The following PAQR8 variants were observed in gnomAD, a reference collection of about 807,000 sequenced individuals.
The protein encoded by PAQR8 is progestin and adipoQ receptor family member 8.
In PAQR8, 17 loss-of-function variants were observed where a neutral mutation model predicts 25.2. The observed-to-expected ratio is 0.67, with a 90% CI of 0.46 to 1.01. The LOEUF (loss-of-function observed/expected upper bound fraction) is 1.01, where lower values mean the gene tolerates loss of function less well. Among genes scored for constraint, PAQR8 ranks in the 50% least tolerant of loss-of-function variants. PAQR8 has a pLI of 0.00. For synonymous variants in PAQR8, 204 were observed against 190.6 expected (o/e 1.07, Z -0.58); for missense variants, 392 against 448.4 (o/e 0.87, Z 1.14).
intron 1 of PAQR8, among the ~76,000 whole-genome samples, chr6:52,385,209 AGGGGAAACCCCTTTCACTTGAGAG>A (rs1299129011): frequency 5.3e-5 from 8 of 152,160 alleles, no homozygotes; most frequent in South Asian, 4.1e-4. Context: ...TGGTTTTATT[AGGGGAAACCCCTTTCACTTGAGAG>A]GGGGAAACCC....
At chr6:52,401,694 T>C (rs6925495) in intron 1 of PAQR8, among the ~76,000 whole-genome samples, 5,003 of 152,308 alleles carry the variant, frequency 0.033, 93 homozygotes, top group Middle Eastern at 0.055. Flanking sequence ...TGTGCATTGT[T>C]CTTTACCAAC....
In PAQR8 at chr6:52,403,147, C is replaced by T. The variant is rs1033935772; in HGVS notation, c.-52-15C>T. On this transcript the variant is annotated splice_polypyrimidine_tract_variant and intron_variant, in intron 1 of 1. Transcript: ENST00000442253. ...TCTCACTGCGGCTTTGCCAATTTTC[C>T]TTTCTTTTCTGCAGGTTGCATACCC... 3.6e-6 allele frequency: 5 copies of T among 1,408,112 alleles called. No homozygotes were observed. Among genetic ancestry groups the T allele is most frequent in the African/African-American group, 1.4e-5 (1 of 69,356 alleles). The allele number at this position is 1,408,112 out of a possible 1,614,324, so 87.2% of individuals were successfully genotyped here. A position where few individuals can be genotyped will look rare whatever the true frequency, so the allele number is the denominator to read the frequency against.
chr6:52,404,288 G>C lies in PAQR8; in HGVS notation c.*10G>C. Reference sequence around the variant, plus strand: ...CAAGAAAGATTCCTGAGGCTGGCAAGTGGGGCAACGTGTGGAGGAAGCCCC... The same window carrying C: ...CAAGAAAGATTCCTGAGGCTGGCAACTGGGGCAACGTGTGGAGGAAGCCCC... On this transcript the variant is annotated 3_prime_UTR_variant, in exon 2 of 2. Coordinates refer to ENST00000442253, the MANE Select transcript of PAQR8 (RefSeq NM_133367.5). 6.4e-7 allele frequency: 1 copy of C among 1,568,404 alleles called. No individual in the cohort carries two copies. The highest frequency in any genetic ancestry group is 8.7e-7 in the Non-Finnish European group (1 of 1,149,430).
chr6:52,402,492 C>A (rs1763844601), intron 1 of PAQR8, among the ~76,000 whole-genome samples: 2 of 151,842 alleles, frequency 1.3e-5, no homozygotes, highest in African/African-American at 4.8e-5. Flanking sequence ...TGGCACATGC[C>A]TGTAATCCCA....
At chr6:52,365,580 G>A (rs1223483642) in intron 1 of PAQR8, among the ~76,000 whole-genome samples, 1 of 152,096 alleles carries the variant, frequency 6.6e-6, no homozygotes, top group Non-Finnish European at 1.5e-5. Context: ...ATTATTTATT[G>A]ATAGTCTTAT....
chr6:52,368,998 A>T (rs1481738511), intron 1 of PAQR8, among the ~76,000 whole-genome samples: 1 of 152,114 alleles, frequency 6.6e-6, no homozygotes, highest in Admixed American at 6.5e-5. Flanking sequence ...CTCCTGAGAG[A>T]AAGATTTTTC....
chr6:52,385,610 A>G (rs1249247281), intron 1 of PAQR8, among the ~76,000 whole-genome samples: 1 of 152,224 alleles, frequency 6.6e-6, no homozygotes, highest in Non-Finnish European at 1.5e-5. Context: ...TTGGCCATGC[A>G]CCATGGCGTA....
intron 1 of PAQR8, among the ~76,000 whole-genome samples, chr6:52,387,202 G>A (rs1763643518): frequency 6.6e-6 from 1 of 152,214 alleles, no homozygotes; most frequent in Non-Finnish European, 1.5e-5. Context: ...GATGTCTTGG[G>A]AGAGAAGGCT....
At chr6:52,402,190 C>A (rs1763840653) in intron 1 of PAQR8, among the ~76,000 whole-genome samples, 1 of 152,058 alleles carries the variant, frequency 6.6e-6, no homozygotes, top group Admixed American at 6.5e-5. Flanking sequence ...ATGGTGAAAC[C>A]CCATCTCTAC....
In PAQR8 at chr6:52,406,284, AAGG is replaced by A; in HGVS notation, c.*2009_*2011del. ...TTCAAAGACTTATTTTGAAAGTTGG[AAGG>A]AGAAGGGAGGGAAGAGAGCAGAAGG... On this transcript the variant is annotated 3_prime_UTR_variant, in exon 2 of 2. Transcript: ENST00000442253. 2.5e-6 allele frequency: 1 copy of A among 406,100 alleles called. No homozygotes were observed. The allele number at this position is 406,100 out of a possible 1,614,324, so 25.2% of individuals were successfully genotyped here.
chr6:52,385,031 T>A (rs1202117352), intron 1 of PAQR8, among the ~76,000 whole-genome samples: 1 of 152,180 alleles, frequency 6.6e-6, no homozygotes, highest in East Asian at 1.9e-4. Flanking sequence ...GATTAAAGAC[T>A]TAAATGTATG....
intron 1 of PAQR8, among the ~76,000 whole-genome samples, chr6:52,369,772 A>T (rs375681982): frequency 1.3e-5 from 2 of 152,242 alleles, no homozygotes; most frequent in Admixed American, 6.5e-5. Context: ...TATATTTTCC[A>T]TGGTGAATTC....
At chr6:52,378,939 A>C (rs868858041) in intron 1 of PAQR8, among the ~76,000 whole-genome samples, 15 of 151,774 alleles carry the variant, frequency 9.9e-5, no homozygotes, top group Middle Eastern at 3.4e-3. Context: ...TCTACTAAAA[A>C]TACAAAAATT....
chr6:52,394,628 T>G (rs752729817), intron 1 of PAQR8, among the ~76,000 whole-genome samples: 2 of 152,222 alleles, frequency 1.3e-5, no homozygotes, highest in Non-Finnish European at 2.9e-5. Flanking sequence ...CGGTGTCCTC[T>G]GTTGCCAGAT....
At chr6:52,365,222 G>A (rs551344219) in intron 1 of PAQR8, among the ~76,000 whole-genome samples, 1 of 152,224 alleles carries the variant, frequency 6.6e-6, no homozygotes, top group Admixed American at 6.5e-5. Flanking sequence ...ATCCACAGAA[G>A]TAAAGGGAAG....
intron 1 of PAQR8, among the ~76,000 whole-genome samples, chr6:52,390,857 T>A (rs1173014678): frequency 6.6e-6 from 1 of 152,162 alleles, no homozygotes; most frequent in Non-Finnish European, 1.5e-5. Flanking sequence ...TGCTGGGGTG[T>A]TTCTTGGGGA....
At chr6:52,388,277 G>A (rs1317914240) in intron 1 of PAQR8, among the ~76,000 whole-genome samples, 1 of 152,036 alleles carries the variant, frequency 6.6e-6, no homozygotes, top group Non-Finnish European at 1.5e-5. Context: ...TTGGGTGGCT[G>A]AGGCACAAGA....
At chr6:52,390,709 A>AT (rs1379653768) in intron 1 of PAQR8, among the ~76,000 whole-genome samples, 3 of 152,184 alleles carry the variant, frequency 2.0e-5, no homozygotes, top group East Asian at 1.9e-4. Flanking sequence ...GATGTTACAT[A>AT]TTTTTTTCCC....
intron 1 of PAQR8, among the ~76,000 whole-genome samples, chr6:52,389,884 T>C (rs1763679170): frequency 6.6e-6 from 1 of 152,200 alleles, no homozygotes; most frequent in Non-Finnish European, 1.5e-5. Flanking sequence ...TGCAGATCAG[T>C]GATGAAGCTT....
Sources: allele counts gnomAD v4.1 joint callset (sites outside exome capture counted in the v4.1 genomes callset), GRCh38; gene constraint gnomAD v4.1.1; transcripts MANE v1.5; gene names NCBI Gene and HGNC (gene_info 2026-07-23, HGNC 2026-07-21).